CHN2: variants seen among roughly 807,000 people sequenced by gnomAD.
CHN2 encodes the protein beta-chimaerin.
CHN2 carries 35 observed loss-of-function variants against 56.3 expected under a neutral mutation model. The ratio of observed to expected loss-of-function variants is 0.62; its 90% confidence interval spans 0.47 to 0.82. CHN2 has a LOEUF of 0.82. Among genes scored for constraint, CHN2 ranks in the 40% least tolerant of loss-of-function variants. CHN2 has a pLI of 0.00. For missense variants in CHN2, 491 were observed against 580.5 expected (o/e 0.85, Z 1.58); for synonymous variants, 210 against 212.8 (o/e 0.99, Z 0.12).
At chr7:29,152,687 C>T (rs1027925116) in intron 2 of CHN2, among the ~76,000 whole-genome samples, 3 of 152,208 alleles carry the variant, frequency 2.0e-5, no homozygotes, top group Non-Finnish European at 4.4e-5. Flanking sequence ...TGACCTGACA[C>T]AGAGCTGTTA....
chr7:29,225,212 A>G (rs762334381), intron 1 of CHN2, among the ~76,000 whole-genome samples: 17 of 152,210 alleles, frequency 1.1e-4, no homozygotes, highest in Non-Finnish European at 2.4e-4. Context: ...CTTCACGAAT[A>G]ATTTAAATTA....
chr7:29,355,434 T>G (rs1226415520), intron 2 of CHN2, among the ~76,000 whole-genome samples: 1 of 152,180 alleles, frequency 6.6e-6, no homozygotes, highest in Non-Finnish European at 1.5e-5. Flanking sequence ...GGGTGACTCT[T>G]AGAAACAGAT....
At chr7:29,401,044 G>A in intron 6 of CHN2, 1 of 548,188 alleles carries the variant, frequency 1.8e-6, no homozygotes, top group Non-Finnish European at 3.2e-6. Flanking sequence ...CGAGGCAGGT[G>A]GATCACGAGG....
At chr7:29,326,447 C>T (rs186239609) in intron 1 of CHN2, among the ~76,000 whole-genome samples, 1 of 152,270 alleles carries the variant, frequency 6.6e-6, no homozygotes, top group Non-Finnish European at 1.5e-5. Context: ...TCAGCCACTG[C>T]GCCTGGCCAA....
At chr7:29,444,116 T>C (rs1185062316) in intron 6 of CHN2, among the ~76,000 whole-genome samples, 1 of 152,228 alleles carries the variant, frequency 6.6e-6, no homozygotes, top group African/African-American at 2.4e-5. Context: ...AAAAGTAATA[T>C]AGTCTTTGAA....
At chr7:29,248,007 A>T (rs1200711282) in intron 1 of CHN2, among the ~76,000 whole-genome samples, 1 of 152,234 alleles carries the variant, frequency 6.6e-6, no homozygotes, top group East Asian at 1.9e-4. Context: ...CATGTCTGTA[A>T]GAGCAGAGCT....
intron 2 of CHN2, among the ~76,000 whole-genome samples, chr7:29,173,125 T>C (rs933189881): frequency 2.8e-5 from 4 of 141,484 alleles, no homozygotes; most frequent in Non-Finnish European, 6.1e-5. Flanking sequence ...AGCAAGACTC[T>C]GTATCAAAAA....
In CHN2 at chr7:29,280,431, G is replaced by A. The variant is rs540708384; in HGVS notation, c.50-74194G>A. On this transcript the variant is annotated intron_variant, in intron 1 of 12. Coordinates refer to ENST00000222792, the MANE Select transcript of CHN2 (RefSeq NM_004067.4). ...AAATAAATAAAAATAGGGAAGAGGA[G>A]CAGTGTTTTAGAGGGACAGGAAAGT... is the stretch of plus-strand genomic sequence containing the variant. Among the ~76,000 whole-genome samples the A allele has an allele frequency of 9.9e-5, 15 of 152,104 alleles. No homozygotes were observed. In the South Asian group the frequency reaches 3.1e-3, roughly 32 times the overall value.
intron 3 of CHN2, among the ~76,000 whole-genome samples, chr7:29,389,931 G>A (rs1801226469): frequency 6.6e-6 from 1 of 151,514 alleles, no homozygotes; most frequent in East Asian, 2.0e-4. Flanking sequence ...GTATGCGCCT[G>A]TAATCCCAGC....
chr7:29,402,027 G>A (rs954404460), intron 6 of CHN2, among the ~76,000 whole-genome samples: 23 of 152,264 alleles, frequency 1.5e-4, no homozygotes, highest in African/African-American at 4.8e-4. Flanking sequence ...CTACAGCCCC[G>A]CCACACTGCT....
intron 1 of CHN2, among the ~76,000 whole-genome samples, chr7:29,217,723 A>T (rs947410673): frequency 6.6e-6 from 1 of 152,134 alleles, no homozygotes; most frequent in Non-Finnish European, 1.5e-5. Flanking sequence ...AATAAAAGTG[A>T]TTTCCTTTAG....
intron 2 of CHN2, among the ~76,000 whole-genome samples, chr7:29,189,407 A>G (rs1799123766): frequency 6.6e-6 from 1 of 152,196 alleles, no homozygotes; most frequent in Admixed American, 6.5e-5. Flanking sequence ...GCAAATTTTC[A>G]TAGAAAAAGA....
chr7:29,498,187 A>G (rs532206291), intron 8 of CHN2, among the ~76,000 whole-genome samples: 5 of 152,314 alleles, frequency 3.3e-5, no homozygotes, highest in African/African-American at 7.2e-5. Flanking sequence ...ATTTTATTTG[A>G]CCTAACATGT....
At chr7:29,486,020 C>A (rs368508761) in intron 7 of CHN2, among the ~76,000 whole-genome samples, 7 of 152,246 alleles carry the variant, frequency 4.6e-5, no homozygotes, top group African/African-American at 7.2e-5. Context: ...TTTCCACCCC[C>A]CTTCCACCTC....
chr7:29,386,498 A>G (rs1056646063), intron 3 of CHN2, among the ~76,000 whole-genome samples: 1 of 152,214 alleles, frequency 6.6e-6, no homozygotes, highest in African/African-American at 2.4e-5. Context: ...TGTTCTTTCA[A>G]TAATTGGAAA....
At chr7:29,207,051 G>T (rs1305652838) in intron 1 of CHN2, among the ~76,000 whole-genome samples, 1 of 152,180 alleles carries the variant, frequency 6.6e-6, no homozygotes, top group Non-Finnish European at 1.5e-5. Flanking sequence ...ACATATCTGT[G>T]AATAAACTAA....
At chr7:29,294,289 G>A (rs563088205) in intron 1 of CHN2, among the ~76,000 whole-genome samples, 2 of 152,272 alleles carry the variant, frequency 1.3e-5, no homozygotes, top group Admixed American at 1.3e-4. Flanking sequence ...TCACGAGACT[G>A]CTAGTAGGGT....
At chr7:29,224,349 C>G (rs1411515784) in intron 1 of CHN2, among the ~76,000 whole-genome samples, 1 of 152,156 alleles carries the variant, frequency 6.6e-6, no homozygotes, top group African/African-American at 2.4e-5. Context: ...TGGTCAGATA[C>G]TGTTAAATTT....
chr7:29,449,636 G>C (rs1433485763), intron 6 of CHN2, among the ~76,000 whole-genome samples: 1 of 152,226 alleles, frequency 6.6e-6, no homozygotes, highest in African/African-American at 2.4e-5. Context: ...CATTCATTCA[G>C]AATCATTTAT....
Sources: allele counts gnomAD v4.1 joint callset (sites outside exome capture counted in the v4.1 genomes callset), GRCh38; gene constraint gnomAD v4.1.1; transcripts MANE v1.5; gene names NCBI Gene and HGNC (gene_info 2026-07-23, HGNC 2026-07-21).